Variants in MAP4K3 observed in about 807,000 individuals in gnomAD.
MAP4K3 encodes MAPK/ERK kinase kinase kinase 3.
Under a neutral mutation model 143.5 loss-of-function variants are expected in MAP4K3, and 94 were observed. The observed-to-expected ratio is 0.65, with a 90% CI of 0.55 to 0.78. The LOEUF (loss-of-function observed/expected upper bound fraction) is 0.78. Among genes scored for constraint, MAP4K3 ranks in the 30% least tolerant of loss-of-function variants. MAP4K3 has a pLI of 0.00. For missense variants in MAP4K3, 1,077 were observed against 1,068.1 expected (o/e 1.01, Z -0.12); for synonymous variants, 416 against 347.2 (o/e 1.20, Z -2.20).
At chr2:39,332,181 T>C (rs568495128) in intron 7 of MAP4K3, among the ~76,000 whole-genome samples, 192 bp from the exon 8 acceptor site, 1 of 152,226 alleles carries the variant, frequency 6.6e-6, no homozygotes, top group Non-Finnish European at 1.5e-5. Flanking sequence ...AGTGAATACA[T>C]ATCACAGCCA....
intron 2 of MAP4K3, among the ~76,000 whole-genome samples, chr2:39,376,624 G>A (rs988667429): frequency 1.3e-5 from 2 of 152,150 alleles, no homozygotes; most frequent in Non-Finnish European, 2.9e-5. Flanking sequence ...TAGAAACAAA[G>A]AAAGGCAAGT....
chr2:39,291,730 T>C (rs532125518), intron 18 of MAP4K3, among the ~76,000 whole-genome samples: 100 of 151,684 alleles, frequency 6.6e-4, no homozygotes, highest in African/African-American at 2.1e-3. Flanking sequence ...TACCAAAAAA[T>C]AGAAAATTAG....
intron 1 of MAP4K3, among the ~76,000 whole-genome samples, chr2:39,397,845 A>G (rs900588265): frequency 1.3e-5 from 2 of 152,364 alleles, no homozygotes; most frequent in African/African-American, 4.8e-5. Flanking sequence ...GAAAAAATGG[A>G]CAAGTATGTG....
chr2:39,322,537 T>A (rs1683341204), intron 12 of MAP4K3, among the ~76,000 whole-genome samples: 1 of 151,696 alleles, frequency 6.6e-6, no homozygotes, highest in Non-Finnish European at 1.5e-5. Flanking sequence ...AAAGTCAAAC[T>A]TTCTTCCACA....
chr2:39,268,658 GA>G (rs1369770134), intron 26 of MAP4K3, among the ~76,000 whole-genome samples: 5 of 4,462 alleles, frequency 1.1e-3, no homozygotes, highest in Admixed American at 5.9e-3. Flanking sequence ...TTTTTTTTTT[GA>G]GACGGAGTCT....
chr2:39,411,774 G>A (rs575111889), intron 1 of MAP4K3, among the ~76,000 whole-genome samples: 90 of 152,216 alleles, frequency 5.9e-4, no homozygotes, highest in African/African-American at 2.0e-3. Context: ...AAAATGTGAC[G>A]ATCTGCAGAG....
intron 6 of MAP4K3, among the ~76,000 whole-genome samples, chr2:39,335,816 T>C (rs964003250): frequency 5.9e-5 from 9 of 152,216 alleles, no homozygotes; most frequent in Non-Finnish European, 8.8e-5. Flanking sequence ...TGCGAGTCCA[T>C]TGAAATTTCT....
chr2:39,363,992 T>TAAAAAAAAAAAA (rs70957104), intron 2 of MAP4K3, among the ~76,000 whole-genome samples: 2 of 129,154 alleles, frequency 1.5e-5, no homozygotes, highest in Admixed American at 7.7e-5. Flanking sequence ...ATAGCCATTA[T>TAAAAAAAAAAAA]AAAAAAAAAA....
rs560988817 is a variant in MAP4K3 at position 39,253,281 on chromosome 2, G to A, written c.2541+1169C>T. 3.5e-4 allele frequency among the ~76,000 whole-genome samples: 53 copies of A among 152,200 alleles called. No individual in the cohort carries two copies. In the Middle Eastern group the frequency reaches 0.014, roughly 39 times the overall value. Reference sequence around the variant, plus strand: ...CCCGAGTAGCTGGGACTAGAGGCACGCGCCACCACGCCTGGCTAATTTTTC... The same window carrying A: ...CCCGAGTAGCTGGGACTAGAGGCACACGCCACCACGCCTGGCTAATTTTTC... On this transcript the variant is annotated intron_variant, in intron 32 of 33. Coordinates refer to ENST00000263881, the MANE Select transcript of MAP4K3 (RefSeq NM_003618.4).
At chr2:39,421,505 C>G (rs1300429243) in intron 1 of MAP4K3, among the ~76,000 whole-genome samples, 5 of 151,986 alleles carry the variant, frequency 3.3e-5, no homozygotes, top group African/African-American at 1.2e-4. Flanking sequence ...GCCACTGCAC[C>G]TGACCTGGGC....
At chr2:39,279,682 G>C (rs1681429692) in intron 23 of MAP4K3, among the ~76,000 whole-genome samples, 1 of 152,024 alleles carries the variant, frequency 6.6e-6, no homozygotes, top group Non-Finnish European at 1.5e-5. Flanking sequence ...CTGGCCAGTG[G>C]CTCCTGTCTG....
chr2:39,436,917 C>G lies in MAP4K3; in HGVS notation c.71G>C (p.Ser24Thr). The change falls in exon 1 of 34, where the codon AGC (serine) becomes ACC (threonine). Residue 24 changes from serine (S) to threonine (T), a missense_variant. Coordinates refer to ENST00000263881, the MANE Select transcript of MAP4K3 (RefSeq NM_003618.4). ...CTTGTAGACGTCGCCGTAGGTGCCG[C>G]TGCCGATGCGCTGAATCAGCTCGAA... is the stretch of plus-strand genomic sequence containing the variant. ...EDFELIQRIGSGTYGDVYKAR... is the reference protein window; with the variant it reads ...EDFELIQRIGTGTYGDVYKAR... The G allele has an allele frequency of 6.2e-7, 1 of 1,612,426 alleles. No homozygotes were observed. Among genetic ancestry groups the G allele is most frequent in the African/African-American group, 1.3e-5 (1 of 75,020 alleles).
chr2:39,278,026 A>G (rs1156270282), intron 24 of MAP4K3, among the ~76,000 whole-genome samples: 1 of 150,306 alleles, frequency 6.7e-6, no homozygotes, highest in Non-Finnish European at 1.5e-5. Context: ...TCATGTCTAT[A>G]ATCCCAGCAC....
rs149446683 is a variant in MAP4K3, at chr2:39,386,602, CA to C, written c.97-8480del. On this transcript the variant is annotated intron_variant, in intron 1 of 33. Coordinates refer to ENST00000263881, the MANE Select transcript of MAP4K3 (RefSeq NM_003618.4). ...AAGGTGTACAGTTTAAGTTTAGGTA[CA>C]TTTTTTTGCATGTATATGTCCAACT... Among the ~76,000 whole-genome samples, 828 of 152,230 alleles carry C rather than the reference CA, an allele frequency of 5.4e-3. 9 individuals are homozygous for C. Among genetic ancestry groups the C allele is most frequent in the African/African-American group, 0.018 (758 of 41,532 alleles).
chr2:39,362,532 G>C (rs1665798922), intron 2 of MAP4K3, among the ~76,000 whole-genome samples: 1 of 152,168 alleles, frequency 6.6e-6, no homozygotes, highest in Non-Finnish European at 1.5e-5. Context: ...CCTGTACTCT[G>C]AAAATTACAA....
At chr2:39,423,372 G>C (rs868028416) in intron 1 of MAP4K3, among the ~76,000 whole-genome samples, 7 of 152,304 alleles carry the variant, frequency 4.6e-5, no homozygotes, top group African/African-American at 1.4e-4. Flanking sequence ...TTCTTATAGA[G>C]CTAAAAGCAG....
intron 1 of MAP4K3, among the ~76,000 whole-genome samples, chr2:39,401,376 C>T (rs906697093): frequency 2.0e-5 from 3 of 152,124 alleles, no homozygotes; most frequent in Admixed American, 6.6e-5. Context: ...ATGCTCTCAT[C>T]GGCCAGACTG....
chr2:39,275,216 G>A (rs1255709886), intron 24 of MAP4K3, among the ~76,000 whole-genome samples: 1 of 152,212 alleles, frequency 6.6e-6, no homozygotes, highest in East Asian at 1.9e-4. Context: ...GCCAGGCCTG[G>A]TGACTCACAC....
intron 33 of MAP4K3, 66 bp downstream of exon 33, chr2:39,251,764 T>G: frequency 7.8e-7 from 1 of 1,288,370 alleles, no homozygotes; most frequent in Non-Finnish European, 1.1e-6. Flanking sequence ...GAAAAAGAAA[T>G]CTGTTTCATG....
Sources: gnomAD v4.1 joint callset for allele counts (sites outside exome capture counted in the v4.1 genomes callset) on GRCh38, gnomAD v4.1.1 for gene constraint, MANE v1.5 for transcripts, NCBI Gene and HGNC (gene_info 2026-07-23, HGNC 2026-07-21) for gene names.